MRS2: variants seen among roughly 807,000 people sequenced by gnomAD.
MRS2 encodes the protein magnesium transporter MRS2 homolog, mitochondrial.
MRS2 carries 40 observed loss-of-function variants against 52.6 expected under a neutral mutation model. That is an observed-to-expected ratio of 0.76 (90% CI 0.59 to 0.99). The LOEUF is 0.99. MRS2 is among the 50% of genes least tolerant of loss of function. The pLI is 0.00. For synonymous variants in MRS2, 193 were observed against 195.9 expected (o/e 0.98, Z 0.13); for missense variants, 472 against 532.7 (o/e 0.89, Z 1.12).
chr6:24,405,895 G>A (rs1002899763), intron 2 of MRS2, among the ~76,000 whole-genome samples: 3 of 151,290 alleles, frequency 2.0e-5, no homozygotes, highest in Non-Finnish European at 2.9e-5. Context: ...CATGAGGTCA[G>A]GAGATTGAGA....
At chr6:24,417,552 A>G (rs1411712300) in intron 7 of MRS2, among the ~76,000 whole-genome samples, 3 of 152,318 alleles carry the variant, frequency 2.0e-5, no homozygotes, top group Non-Finnish European at 4.4e-5. Context: ...AGTGACACCA[A>G]CTGGTCTACA....
intron 9 of MRS2, among the ~76,000 whole-genome samples, chr6:24,419,534 A>T (rs920768318): frequency 6.6e-5 from 10 of 152,220 alleles, no homozygotes; most frequent in Non-Finnish European, 1.5e-4. Flanking sequence ...CTCTGAAAAT[A>T]GATATATTAT....
At chr6:24,423,248 G>A (rs1242040882) in intron 10 of MRS2, 198 bp downstream of exon 10, 2 of 550,716 alleles carry the variant, frequency 3.6e-6, no homozygotes, top group South Asian at 2.5e-5. Context: ...TAAACAATAT[G>A]TGTAAAGCAC....
In MRS2 at chr6:24,416,443, T is replaced by C. The variant is rs979026343; in HGVS notation, c.766T>C (p.Leu256=). The C allele has an allele frequency of 1.9e-6, 3 of 1,604,010 alleles. No homozygotes were observed. Among genetic ancestry groups the C allele is most frequent in the African/African-American group, 2.7e-5 (2 of 74,636 alleles). ...TDIKIFKESI[L]EILDEEELLE... ...TATTAAAATTTTCAAAGAGTCAATT[T>C]TGGAGATCTTGGATGAGGAAGAGTT... Residue 256 remains leucine, a synonymous_variant, in exon 7 of 11, where the codon TTG becomes CTG. Coordinates refer to ENST00000378386, the MANE Select transcript of MRS2 (RefSeq NM_020662.4).
intron 4 of MRS2, among the ~76,000 whole-genome samples, chr6:24,411,067 G>C (rs1444748602): frequency 2.0e-5 from 3 of 151,372 alleles, no homozygotes; most frequent in Non-Finnish European, 4.4e-5. Context: ...GCGGGTGCCT[G>C]TAATTCCAGC....
intron 2 of MRS2, among the ~76,000 whole-genome samples, chr6:24,406,603 G>A (rs886531056): frequency 2.6e-5 from 4 of 151,968 alleles, no homozygotes; most frequent in East Asian, 1.9e-4. Context: ...GTGAAACCCC[G>A]TCTCTACTAA....
At position 24,403,248 on chromosome 6, in the gene MRS2, C is replaced by A; in HGVS notation, c.190+12C>A. 1 of 1,584,906 alleles carries A rather than the reference C, an allele frequency of 6.3e-7. No individual in the cohort carries two copies. Among genetic ancestry groups the A allele is most frequent in the Non-Finnish European group, 8.5e-7 (1 of 1,173,792 alleles). The stretch of plus-strand genomic sequence containing the variant: ...GCTCCGCGTGGCAGGTACTGCCCTT[C>A]CCCGGCAACAGCCTTGGGACGCTGG... On this transcript the variant is annotated intron_variant, in intron 1 of 10. Transcript: ENST00000378386.
intron 1 of MRS2, among the ~76,000 whole-genome samples, chr6:24,404,002 G>C (rs1581692320): frequency 6.6e-6 from 1 of 152,196 alleles, no homozygotes; most frequent in East Asian, 1.9e-4. Context: ...ATGGTGAAAA[G>C]TTAAGATTTT....
chr6:24,407,654 ATCTT>A (rs1306898326), intron 2 of MRS2, among the ~76,000 whole-genome samples: 1 of 152,112 alleles, frequency 6.6e-6, no homozygotes, highest in Non-Finnish European at 1.5e-5. Context: ...GGTTCTGTAA[ATCTT>A]TATTGATTCT....
At chr6:24,415,536 A>G (rs1208576069) in intron 6 of MRS2, among the ~76,000 whole-genome samples, 1 of 152,212 alleles carries the variant, frequency 6.6e-6, no homozygotes, top group Non-Finnish European at 1.5e-5. Context: ...AGAATTTAAT[A>G]ACAATATTAT....
rs1762224530 is a variant in MRS2, at chr6:24,425,997, G to C, written c.*2303G>C. On this transcript the variant is annotated 3_prime_UTR_variant, in exon 11 of 11. Coordinates refer to ENST00000378386, the MANE Select transcript of MRS2 (RefSeq NM_020662.4). The stretch of plus-strand genomic sequence containing the variant: ...GATGGTACATGGAGTAGGGACTGCA[G>C]AGACCCTAGTTTTGTCCCCACTCCA... The C allele has an allele frequency of 6.6e-6, 1 of 152,184 alleles. No homozygotes were observed. Among genetic ancestry groups the C allele is most frequent in the South Asian group, 2.1e-4 (1 of 4,828 alleles). 9.4% of individuals were successfully genotyped at this position (152,184 alleles called of 1,614,324 possible).
intron 10 of MRS2, 154 bp downstream of exon 10, chr6:24,423,204 G>A (rs1005089821): frequency 3.7e-5 from 22 of 598,810 alleles, no homozygotes; most frequent in Middle Eastern, 2.6e-4. Flanking sequence ...CAGTTAAGTC[G>A]GTATTACCTG....
At position 24,425,966 on chromosome 6, in the gene MRS2, C is replaced by T. The variant is rs1762222444; in HGVS notation, c.*2272C>T. ...CTTTAGTAATACCTACAGAGGTGAGCTAATGGATGGTACATGGAGTAGGGA... is the reference window on the plus strand; with the variant it reads ...CTTTAGTAATACCTACAGAGGTGAGTTAATGGATGGTACATGGAGTAGGGA... On this transcript the variant is annotated 3_prime_UTR_variant, in exon 11 of 11. Coordinates refer to ENST00000378386, the MANE Select transcript of MRS2 (RefSeq NM_020662.4). 6.6e-6 allele frequency: 1 copy of T among 152,076 alleles called. No individual in the cohort carries two copies. The highest frequency in any genetic ancestry group is 2.4e-5 in the African/African-American group (1 of 41,386). 9.4% of individuals were successfully genotyped at this position (152,076 alleles called of 1,614,324 possible). A position where few individuals can be genotyped will look rare whatever the true frequency, so the allele number is the denominator to read the frequency against.
chr6:24,414,405 G>A (rs1216166406), intron 5 of MRS2, among the ~76,000 whole-genome samples: 3 of 151,692 alleles, frequency 2.0e-5, no homozygotes, highest in African/African-American at 2.4e-5. Context: ...ATCTTGCACC[G>A]CCCTTAATCC....
At chr6:24,405,693 G>A (rs79392278) in intron 2 of MRS2, among the ~76,000 whole-genome samples, 1 of 151,278 alleles carries the variant, frequency 6.6e-6, no homozygotes, top group Non-Finnish European at 1.5e-5. Context: ...GAAGGCTGTT[G>A]GGGCAAAATG....
At chr6:24,414,927 C>A in intron 5 of MRS2, 106 bp from the exon 6 acceptor site, 2 of 972,164 alleles carry the variant, frequency 2.1e-6, no homozygotes, top group Non-Finnish European at 3.0e-6. Context: ...ATGTTACCAG[C>A]ATTTCAAGCT....
At chr6:24,404,218 G>A (rs1006185688) in intron 1 of MRS2, among the ~76,000 whole-genome samples, 3 of 151,870 alleles carry the variant, frequency 2.0e-5, no homozygotes, top group African/African-American at 7.2e-5. Flanking sequence ...TAATGCTTGG[G>A]AATCCAGTTT....
chr6:24,416,896 T>C (rs1161920862), intron 7 of MRS2, among the ~76,000 whole-genome samples: 1 of 152,246 alleles, frequency 6.6e-6, no homozygotes, highest in Non-Finnish European at 1.5e-5. Flanking sequence ...ACATGGATTA[T>C]GTAAGTTCAG....
At chr6:24,417,433 T>TA in intron 7 of MRS2, among the ~76,000 whole-genome samples, 1 of 152,230 alleles carries the variant, frequency 6.6e-6, no homozygotes, top group Non-Finnish European at 1.5e-5. Context: ...TTTTACCTGA[T>TA]AGTGGTATTG....
Sources: gnomAD v4.1 joint callset for allele counts (sites outside exome capture counted in the v4.1 genomes callset) on GRCh38, gnomAD v4.1.1 for gene constraint, MANE v1.5 for transcripts, NCBI Gene and HGNC (gene_info 2026-07-23, HGNC 2026-07-21) for gene names.